The following BICRAL variants were observed in gnomAD, a reference collection of about 807,000 sequenced individuals.
The protein encoded by BICRAL is BICRA like chromatin remodeling complex associated protein.
In BICRAL, 8 loss-of-function variants were observed where a neutral mutation model predicts 91.8. The ratio of observed to expected loss-of-function variants is 0.09; its 90% CI spans 0.05 to 0.16. The LOEUF (loss-of-function observed/expected upper bound fraction) is 0.16, where lower values mean the gene tolerates loss of function less well. BICRAL is among the 10% of genes least tolerant of loss of function. BICRAL has a pLI of 1.00. For missense variants in BICRAL, 1,038 were observed against 1,310.9 expected, an observed-to-expected ratio of 0.79 and a Z score of 3.21; for synonymous variants, 445 against 491.1, an observed-to-expected ratio of 0.91 and a Z score of 1.24.
intron 6 of BICRAL, among the ~76,000 whole-genome samples, chr6:42,849,620 TAGTAGAGAC>T (rs1231877741): frequency 3.3e-5 from 5 of 151,756 alleles, no homozygotes; most frequent in African/African-American, 1.2e-4. Context: ...TTTGTATTTT[TAGTAGAGAC>T]AGGGTTTCAC....
In BICRAL at chr6:42,867,971, A is replaced by G. The variant is rs2114061065; in HGVS notation, c.*2525A>G. 1 of 152,612 alleles carries G rather than the reference A, an allele frequency of 6.6e-6. No individual in the cohort carries two copies. The highest frequency in any genetic ancestry group is 1.9e-4 in the East Asian group (1 of 5,200). The allele number at this position is 152,612 out of a possible 1,614,324, so 9.5% of individuals were successfully genotyped here. A position where few individuals can be genotyped will look rare whatever the true frequency, so the allele number is the denominator to read the frequency against. ...TGTCGAGCCCCCTCTAGTGAAGGGT[A>G]GGAGAGCTCAGCCTCGGATGGCCAA... On this transcript the variant is annotated 3_prime_UTR_variant, in exon 13 of 13. Coordinates refer to ENST00000314073, the MANE Select transcript of BICRAL (RefSeq NM_001393499.1).
Position 42,785,190 on chromosome 6 carries a change from A to G in BICRAL, c.-102+3089A>G, listed in dbSNP as rs553368581. Among the ~76,000 whole-genome samples the G allele has an allele frequency of 1.8e-3, 274 of 152,228 alleles. 1 individual carries two copies. Among genetic ancestry groups the G allele is most frequent in the African/African-American group, 5.8e-3 (239 of 41,528 alleles). On this transcript the variant is annotated intron_variant, in intron 1 of 12. Transcript: ENST00000314073. ...TTTTTAAAGTATGTTGTCTCATTCT[A>G]TTGAGAAGTTATACAACATACAGGC...
intron 1 of BICRAL, among the ~76,000 whole-genome samples, chr6:42,764,181 G>A (rs1762600172): frequency 6.6e-6 from 1 of 150,940 alleles, no homozygotes; most frequent in Non-Finnish European, 1.5e-5. Flanking sequence ...GGCAGAGGTT[G>A]CAGTGAGCCA....
At position 42,814,428 on chromosome 6, in the gene BICRAL, T is replaced by TAC. The variant is rs529216442; in HGVS notation, c.-6+4031_-6+4032dup. ...ACACACATGTATACATACATATATA[T>TAC]ACACATACATGTATGTATATGTATA... On this transcript the variant is annotated intron_variant, in intron 2 of 12. Transcript: ENST00000314073. 5.1e-3 allele frequency among the ~76,000 whole-genome samples: 738 copies of TAC among 144,498 alleles called. 4 individuals carry two copies. The highest frequency in any genetic ancestry group is 8.3e-3 in the Non-Finnish European group (556 of 66,654). The allele number at this position is 144,498 out of a possible 152,430, so 94.8% of individuals were successfully genotyped here.
In BICRAL at chr6:42,855,920, G is replaced by A. The variant is rs1765337285; in HGVS notation, c.2108+3G>A. The A allele has an allele frequency of 6.2e-7, 1 of 1,611,514 alleles. No homozygotes were observed. Among genetic ancestry groups the A allele is most frequent in the Non-Finnish European group, 8.5e-7 (1 of 1,177,632 alleles). ...AAACAGCTAACGAAAGGAGCTTTGTGAGTTACTCTCGGAAATGACAAATCA... is the reference window on the plus strand; with the variant it reads ...AAACAGCTAACGAAAGGAGCTTTGTAAGTTACTCTCGGAAATGACAAATCA... On this transcript the variant is annotated splice_donor_region_variant and intron_variant, in intron 9 of 12. Transcript: ENST00000314073.
In BICRAL at chr6:42,833,058, CT is replaced by C. The variant is rs1292449197; in HGVS notation, c.1839+2901del. ...TGCTATGTTACCCAGGGTAGACTGT[CT>C]TTTTTTTTTTTTTTGAGATGGAGTC... is the stretch of plus-strand genomic sequence containing the variant. On this transcript the variant is annotated intron_variant, in intron 6 of 12. Transcript: ENST00000314073. Among the ~76,000 whole-genome samples, 1,301 of 139,646 alleles carry C rather than the reference CT, an allele frequency of 9.3e-3. 4 individuals are homozygous for C. Among genetic ancestry groups the C allele is most frequent in the African/African-American group, 0.023 (888 of 38,418 alleles). The allele number at this position is 139,646 out of a possible 152,430, so 91.6% of individuals were successfully genotyped here.
intron 1 of BICRAL, among the ~76,000 whole-genome samples, chr6:42,802,971 A>G (rs1271357551): frequency 6.6e-6 from 1 of 152,134 alleles, no homozygotes; most frequent in East Asian, 1.9e-4. Flanking sequence ...AGAAGTATAA[A>G]AACATTTTTG....
At chr6:42,848,140 AAAAACAG>A (rs1336423041) in intron 6 of BICRAL, among the ~76,000 whole-genome samples, 2 of 151,966 alleles carry the variant, frequency 1.3e-5, no homozygotes, top group African/African-American at 2.4e-5. Context: ...AAAAGAAAAA[AAAAACAG>A]AAAACAGAAA....
chr6:42,862,093 TGAG>T (rs1422101724), intron 11 of BICRAL, among the ~76,000 whole-genome samples: 2 of 152,034 alleles, frequency 1.3e-5, no homozygotes, highest in African/African-American at 4.8e-5. Context: ...TCCCAGCACT[TGAG>T]GAGGCCAAGG....
At chr6:42,772,346 A>C (rs1054709451) in intron 1 of BICRAL, among the ~76,000 whole-genome samples, 3 of 152,176 alleles carry the variant, frequency 2.0e-5, no homozygotes, top group African/African-American at 7.2e-5. Flanking sequence ...CGACGGGAGA[A>C]GGCTTCCCAG....
At chr6:42,794,806 A>AAG (rs1291144475) in intron 1 of BICRAL, among the ~76,000 whole-genome samples, 2 of 150,180 alleles carry the variant, frequency 1.3e-5, no homozygotes, top group Non-Finnish European at 3.0e-5. Context: ...AAAAAAAAAA[A>AAG]AAAAAATAGC....
At chr6:42,772,597 T>C (rs1393525885) in intron 1 of BICRAL, among the ~76,000 whole-genome samples, 1 of 152,176 alleles carries the variant, frequency 6.6e-6, no homozygotes, top group Non-Finnish European at 1.5e-5. Flanking sequence ...CAGCTTGCCC[T>C]AGAAATTCCC....
chr6:42,750,910 A>ATTTTTTTTT (rs1762370101), intron 1 of BICRAL, among the ~76,000 whole-genome samples: 1 of 24,396 alleles, frequency 4.1e-5, no homozygotes, highest in African/African-American at 1.9e-4. Context: ...TTTTTTTTTA[A>ATTTTTTTTT]TACTTTAAGT....
chr6:42,865,496 C>T lies in BICRAL; in HGVS notation c.*50C>T. 1 of 970,972 alleles carries T rather than the reference C, an allele frequency of 1.0e-6. No individual in the cohort carries two copies. 60.1% of individuals were successfully genotyped at this position (970,972 alleles called of 1,614,324 possible). A position where few individuals can be genotyped will look rare whatever the true frequency, so the allele number is the denominator to read the frequency against. ...GCCCCGAGACCCCACCCCGAGACCC[C>T]ACCCCGGACCAGTTACATTCGTTCC... On this transcript the variant is annotated 3_prime_UTR_variant, in exon 13 of 13. Coordinates refer to ENST00000314073, the MANE Select transcript of BICRAL (RefSeq NM_001393499.1).
At chr6:42,747,262 C>A (rs1762293307) in intron 1 of BICRAL, among the ~76,000 whole-genome samples, 1 of 152,202 alleles carries the variant, frequency 6.6e-6, no homozygotes, top group African/African-American at 2.4e-5. Flanking sequence ...GCTGCCCGGG[C>A]GCGGCAGCCT....
intron 2 of BICRAL, among the ~76,000 whole-genome samples, chr6:42,819,250 CA>C (rs1396595002): frequency 6.6e-6 from 1 of 152,112 alleles, no homozygotes; most frequent in Non-Finnish European, 1.5e-5. Flanking sequence ...GACTGATCTT[CA>C]GATTATCTTC....
chr6:42,805,084 G>A (rs77639030), intron 1 of BICRAL, among the ~76,000 whole-genome samples: 6,034 of 152,334 alleles, frequency 0.04, 167 homozygotes, highest in Non-Finnish European at 0.058. Context: ...GTCCAAAGAT[G>A]TAGTTGCTGC....
intron 1 of BICRAL, among the ~76,000 whole-genome samples, chr6:42,754,750 G>A (rs1251621445): frequency 6.6e-6 from 1 of 152,078 alleles, no homozygotes; most frequent in Non-Finnish European, 1.5e-5. Flanking sequence ...TTAAAAAATT[G>A]TCTGGGCATG....
At chr6:42,782,891 C>G (rs1027823683) in intron 1 of BICRAL, among the ~76,000 whole-genome samples, 1 of 151,924 alleles carries the variant, frequency 6.6e-6, no homozygotes, top group Admixed American at 6.5e-5. Flanking sequence ...CTGTTTTCCC[C>G]CCCTCGTTTC....
Sources: allele counts gnomAD v4.1 joint callset (sites outside exome capture counted in the v4.1 genomes callset), GRCh38; gene constraint gnomAD v4.1.1; transcripts MANE v1.5; gene names NCBI Gene and HGNC (gene_info 2026-07-23, HGNC 2026-07-21).